TIAL1: variants seen among roughly 807,000 people sequenced by gnomAD.
The protein encoded by TIAL1 is TIA1 cytotoxic granule associated RNA binding protein like 1, also known as nucleolysin TIAR.
TIAL1 carries 7 observed loss-of-function variants against 59.7 expected under a neutral mutation model. The ratio of observed to expected loss-of-function variants is 0.12; its 90% CI spans 0.07 to 0.22. The LOEUF (loss-of-function observed/expected upper bound fraction) is 0.22. Among genes scored for constraint, TIAL1 ranks in the 10% least tolerant of loss-of-function variants. TIAL1 has a pLI of 1.00. For missense variants in TIAL1, 225 were observed against 462.5 expected (o/e 0.49, Z 4.71); for synonymous variants, 149 against 146.3 (o/e 1.02, Z -0.13).
At chr10:119,586,481 T>TC in intron 2 of TIAL1, among the ~76,000 whole-genome samples, 1 of 152,192 alleles carries the variant, frequency 6.6e-6, no homozygotes, top group East Asian at 1.9e-4. Flanking sequence ...AGATGGTTTT[T>TC]CTCCTTCTGC....
chr10:119,595,928 G>GCTT (rs1257937048), intron 1 of TIAL1, among the ~76,000 whole-genome samples: 19 of 152,184 alleles, frequency 1.2e-4, no homozygotes, highest in African/African-American at 4.6e-4. Context: ...AGAGTGTCCT[G>GCTT]CTTCCTCCGA....
chr10:119,576,615 C>A lies in TIAL1; in HGVS notation c.997G>T (p.Val333Leu). The A allele has an allele frequency of 3.7e-6, 6 of 1,613,850 alleles. No homozygotes were observed. The South Asian group carries it at 5.5e-5, about 15-fold the overall frequency. Reference sequence around the variant, plus strand: ...GGAAAAACCCAAACAACTTACTCTACTCCAAATCCTTGTTGATTCCATGGT... The same window carrying A: ...GGAAAAACCCAAACAACTTACTCTAATCCAAATCCTTGTTGATTCCATGGT... ...GQPWNQQGFG[V>L]DQSPSAAWMG... Residue 333 changes from valine to leucine, a missense_variant, in exon 11 of 12, where the codon GTA becomes TTA. This residue lies in a region of TIAL1 where 68 missense variants were observed against 71.3 expected (regional missense o/e 0.95). Coordinates refer to ENST00000436547, the MANE Select transcript of TIAL1 (RefSeq NM_003252.4).
In TIAL1 at chr10:119,596,600, C is replaced by T. The variant is rs1846213657; in HGVS notation, c.-135G>A. The T allele has an allele frequency of 2.9e-6, 2 of 691,684 alleles. No individual in the cohort carries two copies. The highest frequency in any genetic ancestry group is 2.7e-5 in the Admixed American group (1 of 37,176). 42.8% of individuals were successfully genotyped at this position (691,684 alleles called of 1,614,324 possible). A position where few individuals can be genotyped will look rare whatever the true frequency, so the allele number is the denominator to read the frequency against. ...AAAGGCACCGAACCCTGCTCTCGGG[C>T]TCTCTCCCCCCAGCCCGCTCCGGAC... is the stretch of plus-strand genomic sequence containing the variant. On this transcript the variant is annotated 5_prime_UTR_variant, in exon 1 of 12. Coordinates refer to ENST00000436547, the MANE Select transcript of TIAL1 (RefSeq NM_003252.4).
chr10:119,584,670 A>G (rs1845460334), intron 2 of TIAL1, among the ~76,000 whole-genome samples: 1 of 152,140 alleles, frequency 6.6e-6, no homozygotes. Flanking sequence ...TCTACCAAAA[A>G]TACAAAAAAT....
intron 2 of TIAL1, among the ~76,000 whole-genome samples, chr10:119,585,745 AC>A (rs1457861520): frequency 1.3e-5 from 2 of 152,064 alleles, no homozygotes; most frequent in African/African-American, 2.4e-5. Context: ...TCCTAAACCT[AC>A]TTCTGTCAGC....
At chr10:119,584,511 ACAC>A (rs1564738886) in intron 2 of TIAL1, among the ~76,000 whole-genome samples, 1 of 152,248 alleles carries the variant, frequency 6.6e-6, no homozygotes, top group East Asian at 1.9e-4. Context: ...CTTCTTATTT[ACAC>A]CACCAAGTGA....
chr10:119,596,536 A>AG lies in TIAL1; in HGVS notation c.-72dup. The AG allele has an allele frequency of 2.9e-5, 2 of 69,442 alleles. No homozygotes were observed. The highest frequency in any genetic ancestry group is 3.1e-5 in the Non-Finnish European group (1 of 32,604). The allele number at this position is 69,442 out of a possible 1,614,324, so 4.3% of individuals were successfully genotyped here. On this transcript the variant is annotated 5_prime_UTR_variant, in exon 1 of 12. Transcript: ENST00000436547. ...TGGGGAGGGGAGGGGGTGGGGAGGA[A>AG]GGGGAGGGGGGCTCTGGGCACCGGC... is the stretch of plus-strand genomic sequence containing the variant.
intron 7 of TIAL1, among the ~76,000 whole-genome samples, chr10:119,577,998 A>G (rs1374110651): frequency 4.6e-5 from 7 of 151,970 alleles, no homozygotes; most frequent in Non-Finnish European, 5.9e-5. Flanking sequence ...AGGCTGAGGC[A>G]GGTGGATCAC....
chr10:119,574,608 C>CAAAAAAA lies in TIAL1; in HGVS notation c.*1056_*1057insTTTTTTT, dbSNP rs1201692100. On this transcript the variant is annotated 3_prime_UTR_variant, in exon 12 of 12. Coordinates refer to ENST00000436547, the MANE Select transcript of TIAL1 (RefSeq NM_003252.4). Reference sequence around the variant, plus strand: ...AAGCAAAAAAAAAAAAAAAAAAAAACAAAAACAAAAAACTAATTCCCAATG... The same window carrying CAAAAAAA: ...AAGCAAAAAAAAAAAAAAAAAAAAACAAAAAAAAAAAACAAAAAACTAATTCCCAATG... 1 of 71,918 alleles carries CAAAAAAA rather than the reference C, an allele frequency of 1.4e-5. No individual in the cohort carries two copies. The highest frequency in any genetic ancestry group is 3.8e-4 in the East Asian group (1 of 2,598). The allele number at this position is 71,918 out of a possible 1,614,324, so 4.5% of individuals were successfully genotyped here.
intron 1 of TIAL1, among the ~76,000 whole-genome samples, chr10:119,591,277 C>T (rs1233159234): frequency 6.6e-6 from 1 of 151,974 alleles, no homozygotes; most frequent in Non-Finnish European, 1.5e-5. Context: ...TGGTGGCGGG[C>T]ACCTGTAATC....
intron 1 of TIAL1, 96 bp from the exon 2 acceptor site, chr10:119,588,344 TTTC>T (rs750514972): frequency 1.1e-5 from 7 of 656,174 alleles, no homozygotes; most frequent in Non-Finnish European, 1.6e-5. Context: ...TCTTTCTTTC[TTTC>T]TTTCTTTTTT....
intron 6 of TIAL1, among the ~76,000 whole-genome samples, chr10:119,579,617 C>T (rs1395956794): frequency 1.3e-5 from 2 of 152,084 alleles, no homozygotes; most frequent in African/African-American, 2.4e-5. Flanking sequence ...ATATAATTTA[C>T]CTAACCTCTA....
intron 1 of TIAL1, among the ~76,000 whole-genome samples, chr10:119,590,746 GAGACAGAGAGAAAGAGAGAA>G (rs1285758475): frequency 2.2e-5 from 2 of 92,610 alleles, no homozygotes; most frequent in African/African-American, 5.1e-5. Flanking sequence ...GAAAGAGAGA[GAGACAGAGAGAAAGAGAGAA>G]AGAAAGAAAG....
Position 119,577,742 on chromosome 10 carries a change from T to A in TIAL1, c.557-6A>T, listed in dbSNP as rs746688990. On this transcript the variant is annotated splice_polypyrimidine_tract_variant and splice_region_variant and intron_variant, in intron 7 of 11. Coordinates refer to ENST00000436547, the MANE Select transcript of TIAL1 (RefSeq NM_003252.4). ...TCTCAACTGCTTAGTGTTGTCTGTA[T>A]GCAGAAACAAAACAAAAACGTTGAC... The A allele has an allele frequency of 6.2e-7, 1 of 1,609,540 alleles. No individual in the cohort carries two copies. The highest frequency in any genetic ancestry group is 1.1e-5 in the South Asian group (1 of 90,998).
At chr10:119,583,071 A>G (rs1052696491) in intron 2 of TIAL1, among the ~76,000 whole-genome samples, 1 of 152,186 alleles carries the variant, frequency 6.6e-6, no homozygotes, top group Admixed American at 6.5e-5. Context: ...TGCTACAAAG[A>G]CTGAATTTTA....
intron 2 of TIAL1, among the ~76,000 whole-genome samples, chr10:119,586,607 C>T (rs1351237288): frequency 3.9e-5 from 6 of 152,212 alleles, no homozygotes. Context: ...CACTGGTCTG[C>T]CACAGCAATC....
At position 119,577,468 on chromosome 10, in the gene TIAL1, C is replaced by G; in HGVS notation, c.720G>C (p.Lys240Asn). 1 of 1,613,476 alleles carries G rather than the reference C, an allele frequency of 6.2e-7. No individual in the cohort carries two copies. The highest frequency in any genetic ancestry group is 8.5e-7 in the Non-Finnish European group (1 of 1,179,688). Residue 240 changes from lysine (K) to asparagine (N), a missense_variant, in exon 9 of 12, where the codon AAG becomes AAC. Physicochemically the swap from Lys to Asn is moderately conservative, Grantham distance 94. Coordinates refer to ENST00000436547, the MANE Select transcript of TIAL1 (RefSeq NM_003252.4). ...AGTGTTACCTGACAAATGAATAGCCCTTTTCTGGGAAAACTCTTATTTCCA... is the reference window on the plus strand; with the variant it reads ...AGTGTTACCTGACAAATGAATAGCCGTTTTCTGGGAAAACTCTTATTTCCA... ...QIMEIRVFPE[K>N]GYSFVRFSTH...
rs888590537 is a variant in TIAL1, at chr10:119,596,659, G to A, written c.-194C>T. 3 of 596,618 alleles carry A rather than the reference G, an allele frequency of 5.0e-6. No homozygotes were observed. Among genetic ancestry groups the A allele is most frequent in the Admixed American group, 3.0e-5 (1 of 33,296 alleles). 37.0% of individuals were successfully genotyped at this position (596,618 alleles called of 1,614,324 possible). A position where few individuals can be genotyped will look rare whatever the true frequency, so the allele number is the denominator to read the frequency against. On this transcript the variant is annotated 5_prime_UTR_variant, in exon 1 of 12. Transcript: ENST00000436547. ...CCAACCAGGAGGAGCAGGAGGAGGA[G>A]GAGGATGAACAAAATGGCCGCCGCC...
At position 119,577,331 on chromosome 10, in the gene TIAL1, G is replaced by A. The variant is rs1845051648; in HGVS notation, c.737+120C>T. The stretch of plus-strand genomic sequence containing the variant: ...TTTTCTAAAGTACATTAGGTAGGTA[G>A]CTTAAACTTCTATACTGCAAAGAAG... On this transcript the variant is annotated intron_variant, in intron 9 of 11. Transcript: ENST00000436547. 1.2e-5 allele frequency: 17 copies of A among 1,429,444 alleles called. No homozygotes were observed. In the South Asian group the frequency reaches 2.1e-4, roughly 18 times the overall value. The allele number at this position is 1,429,444 out of a possible 1,614,324, so 88.5% of individuals were successfully genotyped here.
Sources: allele counts gnomAD v4.1 joint callset (sites outside exome capture counted in the v4.1 genomes callset), GRCh38; gene constraint gnomAD v4.1.1; regional missense constraint gnomAD v4.1.1; transcripts MANE v1.5; gene names NCBI Gene and HGNC (gene_info 2026-07-23, HGNC 2026-07-21).